The following TESK2 variants were observed in gnomAD, a reference collection of about 807,000 sequenced individuals.
The protein encoded by TESK2 is testis associated actin remodelling kinase 2.
In TESK2, 39 loss-of-function variants were observed where a neutral mutation model predicts 57.1. That is an observed-to-expected ratio of 0.68 (90% CI 0.53 to 0.89). The LOEUF (loss-of-function observed/expected upper bound fraction) is 0.89. Among genes scored for constraint, TESK2 ranks in the 40% least tolerant of loss-of-function variants. TESK2 has a pLI of 0.00. For missense variants in TESK2, 646 were observed against 732.1 expected (o/e 0.88, Z 1.36); for synonymous variants, 249 against 267.9 (o/e 0.93, Z 0.69).
At chr1:45,464,303 A>G (rs1382962722) in intron 1 of TESK2, among the ~76,000 whole-genome samples, 2 of 152,048 alleles carry the variant, frequency 1.3e-5, no homozygotes, top group Admixed American at 1.3e-4. Flanking sequence ...GCACACCTGT[A>G]GTCCCAGCTA....
At chr1:45,349,341 T>G (rs1294931569) in intron 5 of TESK2, among the ~76,000 whole-genome samples, 1 of 152,216 alleles carries the variant, frequency 6.6e-6, no homozygotes, top group Non-Finnish European at 1.5e-5. Flanking sequence ...AGGACAGTTC[T>G]TGTGCTTGTC....
chr1:45,425,371 G>C (rs1650645436), intron 2 of TESK2, among the ~76,000 whole-genome samples: 2 of 152,140 alleles, frequency 1.3e-5, no homozygotes, highest in South Asian at 2.1e-4. Context: ...AGCTCTAAAA[G>C]GCCAGGCACA....
At chr1:45,378,079 G>A (rs995415187) in intron 4 of TESK2, among the ~76,000 whole-genome samples, 3 of 151,900 alleles carry the variant, frequency 2.0e-5, no homozygotes, top group South Asian at 2.1e-4. Flanking sequence ...GTTTGGGGAA[G>A]GTAACCAAGC....
At chr1:45,418,415 A>G (rs1232196707) in intron 3 of TESK2, among the ~76,000 whole-genome samples, 1 of 152,240 alleles carries the variant, frequency 6.6e-6, no homozygotes, top group Non-Finnish European at 1.5e-5. Flanking sequence ...GTTTCTGCTC[A>G]GAATCCAATC....
At chr1:45,354,177 A>C (rs1647311123) in intron 5 of TESK2, among the ~76,000 whole-genome samples, 1 of 152,190 alleles carries the variant, frequency 6.6e-6, no homozygotes, top group Admixed American at 6.5e-5. Flanking sequence ...CAGGAGATTG[A>C]AGTTAAACAT....
At chr1:45,466,920 T>G (rs1254099342) in intron 1 of TESK2, among the ~76,000 whole-genome samples, 3 of 152,018 alleles carry the variant, frequency 2.0e-5, no homozygotes, top group Non-Finnish European at 2.9e-5. Context: ...ATTAAATGGA[T>G]AGTACCTAAT....
chr1:45,424,719 T>C (rs1650618517), intron 2 of TESK2, among the ~76,000 whole-genome samples: 1 of 152,244 alleles, frequency 6.6e-6, no homozygotes, highest in Non-Finnish European at 1.5e-5. Context: ...TCATTCATCC[T>C]GACCAACCGG....
Position 45,345,095 on chromosome 1 carries a change from A to G in TESK2, c.1461T>C (p.Ser487=). ...SLSDGPPPRL[S]SLKYRVKEIP... ...TCTCTTTAACTCTGTACTTGAGACTACTTAGGCGTGGTGGGGGCCCATCAG... is the reference window on the plus strand; with the variant it reads ...TCTCTTTAACTCTGTACTTGAGACTGCTTAGGCGTGGTGGGGGCCCATCAG... The change falls in exon 11 of 11, where the codon AGT becomes AGC. Residue 487 remains serine (S), a synonymous_variant. Coordinates refer to ENST00000372086, the MANE Select transcript of TESK2 (RefSeq NM_007170.3). 1.2e-6 allele frequency: 2 copies of G among 1,614,152 alleles called. No individual in the cohort carries two copies. The highest frequency in any genetic ancestry group is 1.6e-4 in the Middle Eastern group (1 of 6,062).
chr1:45,483,724 A>C (rs747055707), intron 1 of TESK2, among the ~76,000 whole-genome samples: 2 of 152,102 alleles, frequency 1.3e-5, no homozygotes, highest in African/African-American at 4.8e-5. Flanking sequence ...GGGCCAAGGC[A>C]CAGTGGCTCA....
At chr1:45,415,437 T>C in intron 3 of TESK2, 2 of 663,480 alleles carry the variant, frequency 3.0e-6, no homozygotes, top group Non-Finnish European at 5.3e-6. Context: ...CAATATCCCA[T>C]AATCTTTGTG....
chr1:45,476,691 C>CA (rs1297097195), intron 1 of TESK2, among the ~76,000 whole-genome samples: 2 of 147,832 alleles, frequency 1.4e-5, no homozygotes, highest in African/African-American at 2.5e-5. Flanking sequence ...ACTAAAAACA[C>CA]AAAAAATTAG....
At chr1:45,388,350 C>A (rs1354395733) in intron 3 of TESK2, among the ~76,000 whole-genome samples, 2 of 152,194 alleles carry the variant, frequency 1.3e-5, no homozygotes, top group Non-Finnish European at 2.9e-5. Context: ...AGGAATAATT[C>A]TATTCCCATT....
At chr1:45,455,266 A>G (rs931705571) in intron 2 of TESK2, among the ~76,000 whole-genome samples, 1 of 152,202 alleles carries the variant, frequency 6.6e-6, no homozygotes, top group Non-Finnish European at 1.5e-5. Context: ...GGATTGCTTA[A>G]TATGTTTTTC....
At chr1:45,406,049 A>C (rs1330248105) in intron 3 of TESK2, among the ~76,000 whole-genome samples, 1 of 152,040 alleles carries the variant, frequency 6.6e-6, no homozygotes, top group Non-Finnish European at 1.5e-5. Flanking sequence ...ATAGTGGGTC[A>C]GTCTGTCTCT....
At chr1:45,359,924 T>C (rs887883331) in intron 4 of TESK2, among the ~76,000 whole-genome samples, 1 of 152,140 alleles carries the variant, frequency 6.6e-6, no homozygotes, top group Non-Finnish European at 1.5e-5. Flanking sequence ...AAATGTCATA[T>C]ATTTTCTGAT....
intron 4 of TESK2, among the ~76,000 whole-genome samples, 186 bp downstream of exon 4, chr1:45,385,710 GTATATATATATATATA>G (rs754585734): frequency 1.5e-5 from 2 of 135,284 alleles, no homozygotes; most frequent in African/African-American, 5.9e-5. Context: ...GTGTGTGTGT[GTATATATATATATATA>G]TATATATATA....
rs753524779 is a variant in TESK2 at position 45,346,731 on chromosome 1, GA to G, written c.840del (p.Pro282GlnfsTer32). ...AAAGTAAGTTGCAGAAAATCTGGGG[GA>G]CAGTCTCCCACCATGTGCTGGAAAG... ...YDAFQHMVGDCPPDFLQLTFN... is the reference protein window; with the variant it reads ...YDAFQHMVGDXPPDFLQLTFN... On this transcript the variant is annotated frameshift_variant, in exon 9 of 11. Transcript: ENST00000372086. LOFTEE classifies it high-confidence loss of function. 6.2e-7 allele frequency: 1 copy of G among 1,614,022 alleles called. No individual in the cohort carries two copies.
At chr1:45,468,801 G>A (rs958092340) in intron 1 of TESK2, among the ~76,000 whole-genome samples, 2 of 152,156 alleles carry the variant, frequency 1.3e-5, no homozygotes, top group African/African-American at 4.8e-5. Context: ...GCAGGTGCTA[G>A]GGAAGCTAAA....
At chr1:45,421,648 T>C in intron 3 of TESK2, 77 bp downstream of exon 3, 1 of 1,572,608 alleles carries the variant, frequency 6.4e-7, no homozygotes, top group Non-Finnish European at 8.7e-7. Flanking sequence ...CCCTCCTTTT[T>C]TTCCTATTAG....
Sources: gnomAD v4.1 joint callset for allele counts (sites outside exome capture counted in the v4.1 genomes callset) on GRCh38, gnomAD v4.1.1 for gene constraint, MANE v1.5 for transcripts, NCBI Gene and HGNC (gene_info 2026-07-23, HGNC 2026-07-21) for gene names.